The following MANBA variants were observed in gnomAD, a reference collection of about 807,000 sequenced individuals.
The protein encoded by MANBA is mannosidase beta, also known as beta-mannosidase.
A neutral mutation model predicts 111.1 loss-of-function variants in MANBA; 83 were observed. That is an observed-to-expected ratio of 0.75 (90% CI 0.63 to 0.90). The LOEUF is 0.90. Among genes scored for constraint, MANBA ranks in the 40% least tolerant of loss-of-function variants. The pLI is 0.00. For synonymous variants in MANBA, 370 were observed against 378.7 expected (o/e 0.98, Z 0.27); for missense variants, 1,036 against 1,069.0 (o/e 0.97, Z 0.43).
intron 9 of MANBA, among the ~76,000 whole-genome samples, chr4:102,669,733 A>C (rs1235026338): frequency 6.6e-6 from 1 of 152,118 alleles, no homozygotes; most frequent in Admixed American, 6.5e-5. Context: ...GTAATCCCAG[A>C]ATTTTGGGAG....
intron 7 of MANBA, among the ~76,000 whole-genome samples, chr4:102,677,308 A>T (rs1334329453): frequency 6.6e-6 from 1 of 152,184 alleles, no homozygotes; most frequent in African/African-American, 2.4e-5. Context: ...AAAAATTGGG[A>T]TTAGGGAAAA....
At chr4:102,671,954 G>C (rs1731517840) in intron 8 of MANBA, 2 of 404,642 alleles carry the variant, frequency 4.9e-6, no homozygotes, top group African/African-American at 2.1e-5. Flanking sequence ...CCAAGTAACA[G>C]GCTGGGCAGA....
chr4:102,654,932 T>C (rs946458030), intron 12 of MANBA, among the ~76,000 whole-genome samples: 1 of 152,132 alleles, frequency 6.6e-6, no homozygotes, highest in African/African-American at 2.4e-5. Context: ...ATCTTATATA[T>C]AGAAAATGCT....
chr4:102,688,208 G>A lies in MANBA; in HGVS notation c.960+1366C>T, dbSNP rs548759991. Among the ~76,000 whole-genome samples the A allele has an allele frequency of 2.0e-5, 3 of 152,142 alleles. No individual in the cohort carries two copies. The East Asian group carries it at 5.8e-4, about 29-fold the overall frequency. On this transcript the variant is annotated intron_variant, in intron 7 of 16. Coordinates refer to ENST00000647097, the MANE Select transcript of MANBA (RefSeq NM_005908.4). ...AGCACACATCCTCTCAGCCAAGAGG[G>A]GTACGACAAGAGTGAATGCTTTGGC...
intron 1 of MANBA, chr4:102,728,033 A>G: frequency 2.1e-6 from 1 of 485,928 alleles, no homozygotes; most frequent in Non-Finnish European, 4.0e-6. Flanking sequence ...GTTTCTGACC[A>G]CAGGTAGGGC....
At chr4:102,728,795 G>T in intron 1 of MANBA, 1 of 939,956 alleles carries the variant, frequency 1.1e-6, no homozygotes, top group Non-Finnish European at 1.6e-6. Flanking sequence ...CCCATCATGG[G>T]TCTCGATCTT....
chr4:102,652,812 T>C (rs2110205346), intron 12 of MANBA, among the ~76,000 whole-genome samples: 1 of 152,286 alleles, frequency 6.6e-6, no homozygotes, highest in East Asian at 1.9e-4. Context: ...GGATGATTGC[T>C]TGAGCCCACG....
At chr4:102,703,768 C>G (rs776642579) in intron 5 of MANBA, among the ~76,000 whole-genome samples, 2 of 152,152 alleles carry the variant, frequency 1.3e-5, no homozygotes, top group Non-Finnish European at 1.5e-5. Flanking sequence ...GCACTCCCCA[C>G]TTTGCAAGCC....
chr4:102,674,238 A>T (rs1731624009), intron 7 of MANBA, among the ~76,000 whole-genome samples, 168 bp from the exon 8 acceptor site: 1 of 152,220 alleles, frequency 6.6e-6, no homozygotes, highest in African/African-American at 2.4e-5. Context: ...GAATATACAC[A>T]TATAAATTAT....
intron 11 of MANBA, among the ~76,000 whole-genome samples, chr4:102,658,396 A>G (rs1246436062): frequency 6.6e-6 from 1 of 152,202 alleles, no homozygotes; most frequent in Non-Finnish European, 1.5e-5. Context: ...GGGCAAAATC[A>G]CCATCACTTG....
intron 15 of MANBA, among the ~76,000 whole-genome samples, chr4:102,635,459 G>A (rs371925423): frequency 2.5e-4 from 38 of 151,962 alleles, no homozygotes; most frequent in African/African-American, 6.8e-4. Context: ...TTCCACATGC[G>A]CATTCTGAAT....
chr4:102,672,614 C>A (rs1314965175), intron 8 of MANBA, among the ~76,000 whole-genome samples: 1 of 152,182 alleles, frequency 6.6e-6, no homozygotes, highest in Non-Finnish European at 1.5e-5. Context: ...GGGGTCCCAA[C>A]CCCCAGGCCA....
intron 7 of MANBA, among the ~76,000 whole-genome samples, chr4:102,684,664 C>A (rs1224948731): frequency 1.3e-5 from 2 of 152,144 alleles, no homozygotes; most frequent in Non-Finnish European, 2.9e-5. Context: ...GGGATACGCT[C>A]CAAGACCCCC....
intron 1 of MANBA, among the ~76,000 whole-genome samples, chr4:102,727,113 T>C (rs1451566455): frequency 6.6e-6 from 1 of 152,188 alleles, no homozygotes; most frequent in Non-Finnish European, 1.5e-5. Flanking sequence ...TTTCACTCTC[T>C]AAATGAGCAA....
chr4:102,664,296 A>G (rs1731103374), intron 11 of MANBA, among the ~76,000 whole-genome samples: 1 of 152,154 alleles, frequency 6.6e-6, no homozygotes, highest in African/African-American at 2.4e-5. Flanking sequence ...AGCCCTAAAA[A>G]GGGGCATAAA....
Position 102,752,421 on chromosome 4 carries a change from A to T in MANBA, c.177+8297T>A, listed in dbSNP as rs1723843590. The T allele has an allele frequency of 7.6e-6, 7 of 918,044 alleles. No individual in the cohort carries two copies. In the South Asian group the frequency reaches 9.0e-5, roughly 12 times the overall value. The allele number at this position is 918,044 out of a possible 1,614,324, so 56.9% of individuals were successfully genotyped here. ...CTTCAAATACAGGTTGCGTGACATTAGTAAAATGGTCTCCTACCCATGAAC... is the reference window on the plus strand; with the variant it reads ...CTTCAAATACAGGTTGCGTGACATTTGTAAAATGGTCTCCTACCCATGAAC... On this transcript the variant is annotated intron_variant, in intron 1 of 16. Transcript: ENST00000647097.
At chr4:102,752,848 C>T (rs1723862096) in intron 1 of MANBA, among the ~76,000 whole-genome samples, 1 of 152,138 alleles carries the variant, frequency 6.6e-6, no homozygotes, top group South Asian at 2.1e-4. Context: ...ATGATTGTGA[C>T]TAGCTTGTTA....
chr4:102,756,577 A>G (rs895475715), intron 1 of MANBA, among the ~76,000 whole-genome samples: 3 of 152,146 alleles, frequency 2.0e-5, no homozygotes, highest in Admixed American at 6.5e-5. Flanking sequence ...ATGTATACAT[A>G]TGTAACAAAC....
intron 5 of MANBA, among the ~76,000 whole-genome samples, chr4:102,691,290 G>T (rs1035483176): frequency 2.6e-5 from 4 of 151,956 alleles, no homozygotes; most frequent in African/African-American, 9.7e-5. Context: ...ATTTCCTGAG[G>T]ACTTTCTATG....
Sources: gnomAD v4.1 joint callset for allele counts (sites outside exome capture counted in the v4.1 genomes callset) on GRCh38, gnomAD v4.1.1 for gene constraint, MANE v1.5 for transcripts, NCBI Gene and HGNC (gene_info 2026-07-23, HGNC 2026-07-21) for gene names.